SCART1: variants seen among roughly 807,000 people sequenced by gnomAD.
SCART1 encodes scavenger receptor family member expressed on T cells 1, also known as scavenger receptor cysteine-rich domain-containing protein SCART1.
SCART1 carries 62 observed loss-of-function variants against 36.2 expected under a neutral mutation model. The ratio of observed to expected loss-of-function variants is 1.71; its 90% CI spans 1.40 to 2.12. The LOEUF is 2.12. SCART1 is among the 30% of genes most tolerant of loss of function. The pLI is 0.00. For missense variants in SCART1, 1,041 were observed against 540.5 expected, an observed-to-expected ratio of 1.93 and a Z score of -9.18; for synonymous variants, 487 against 238.7, an observed-to-expected ratio of 2.04 and a Z score of -9.59.
chr10:133,468,961 T>C (rs1850790618), exon 12 of SCART1: 1 of 152,228 alleles, frequency 6.6e-6, no homozygotes, highest in Non-Finnish European at 1.5e-5. Context: ...GTATATTCTC[T>C]TTTAAAAAAT....
intron 6 of SCART1, among the ~76,000 whole-genome samples, chr10:133,463,363 T>G (rs1237562624): frequency 6.6e-6 from 1 of 152,184 alleles, no homozygotes; most frequent in Non-Finnish European, 1.5e-5. Flanking sequence ...CAATGCAATA[T>G]TATTAACTAC....
rs1390483468 is a variant in SCART1 at position 133,459,837 on chromosome 10, C to T, written c.1636C>T (p.Arg546Cys). 13 of 570,218 alleles carry T rather than the reference C, an allele frequency of 2.3e-5. No individual in the cohort carries two copies. In the Admixed American group the frequency reaches 3.8e-4, roughly 17 times the overall value. The allele number at this position is 570,218 out of a possible 1,614,324, so 35.3% of individuals were successfully genotyped here. A position where few individuals can be genotyped will look rare whatever the true frequency, so the allele number is the denominator to read the frequency against. Residue 546 changes from arginine (R) to cysteine (C), a missense_variant, in exon 6 of 12, where the codon CGC becomes TGC. Coordinates refer to ENST00000640237, the Ensembl canonical transcript of SCART1. ...CGGAACCGCGTCCCCCATGGCCCGTCGCCACGGGATCCCGGGCGCCCTGAC... is the reference window on the plus strand; with the variant it reads ...CGGAACCGCGTCCCCCATGGCCCGTTGCCACGGGATCCCGGGCGCCCTGAC...
At chr10:133,465,858 C>G in intron 9 of SCART1, 1 of 691,798 alleles carries the variant, frequency 1.4e-6, no homozygotes, top group East Asian at 2.8e-5. Context: ...GTTCCCTGCA[C>G]CTCATTCTCT....
intron 6 of SCART1, 62 bp from the exon 7 acceptor site, chr10:133,464,541 CCTT>C (rs1211955780): frequency 4.9e-6 from 3 of 608,860 alleles, no homozygotes; most frequent in Non-Finnish European, 8.8e-6. Flanking sequence ...TTAGCCCCCT[CCTT>C]CTGAGACTGC....
chr10:133,460,496 A>ATATATATATATATATATATTTTTTTTTT, intron 6 of SCART1, among the ~76,000 whole-genome samples: 1 of 136,004 alleles, frequency 7.4e-6, no homozygotes, highest in Admixed American at 7.2e-5. Flanking sequence ...ATATTTATAT[A>ATATATATATATATATATATTTTTTTTTT]TTTTAAAAAA....
At chr10:133,455,152 C>G (rs892758916) in intron 1 of SCART1, among the ~76,000 whole-genome samples, 4 of 151,980 alleles carry the variant, frequency 2.6e-5, no homozygotes, top group African/African-American at 9.7e-5. Flanking sequence ...CTATAATTCC[C>G]GCTACATGGG....
At chr10:133,460,496 A>ATATATATTTTTTTTTTT in intron 6 of SCART1, among the ~76,000 whole-genome samples, 2 of 136,016 alleles carry the variant, frequency 1.5e-5, no homozygotes, top group Non-Finnish European at 1.6e-5. Context: ...ATATTTATAT[A>ATATATATTTTTTTTTTT]TTTTAAAAAA....
chr10:133,457,561 A>G (rs1202113407), exon 3 of SCART1: 1 of 700,112 alleles, frequency 1.4e-6, no homozygotes, highest in Non-Finnish European at 2.6e-6. Context: ...CTGGACGCAG[A>G]GGTGGTCTGC....
In SCART1 at chr10:133,457,074, C is replaced by A. The variant is rs547014446; in HGVS notation, c.386-205C>A. Reference sequence around the variant, plus strand: ...CAGTGTGAACGGATCCTGCGGGGAACCTTGTTTCAGGAGACCAGCAGCAGA... The same window carrying A: ...CAGTGTGAACGGATCCTGCGGGGAAACTTGTTTCAGGAGACCAGCAGCAGA... On this transcript the variant is annotated intron_variant, in intron 2 of 11. Transcript: ENST00000640237. 152 of 581,546 alleles carry A rather than the reference C, an allele frequency of 2.6e-4. No homozygotes were observed. The East Asian group carries it at 4.4e-3, about 17-fold the overall frequency. 36.0% of individuals were successfully genotyped at this position (581,546 alleles called of 1,614,324 possible). A position where few individuals can be genotyped will look rare whatever the true frequency, so the allele number is the denominator to read the frequency against.
At chr10:133,458,290 T>C in intron 3 of SCART1, 70 bp from the exon 4 acceptor site, 1 of 702,046 alleles carries the variant, frequency 1.4e-6, no homozygotes, top group Non-Finnish European at 2.6e-6. Context: ...CCTTCCGCAG[T>C]CTGAGGCTCA....
At chr10:133,456,145 C>G in intron 1 of SCART1, 92 bp from the exon 2 acceptor site, 1 of 643,586 alleles carries the variant, frequency 1.6e-6, no homozygotes, top group East Asian at 2.7e-5. Context: ...GCTGCTGAGG[C>G]CTCACAGGCC....
At chr10:133,457,924 T>C (rs1850640258) in intron 3 of SCART1, 4 of 506,834 alleles carry the variant, frequency 7.9e-6, no homozygotes, top group Non-Finnish European at 1.4e-5. Flanking sequence ...CTCAACTGTG[T>C]GTGAGCTGCA....
exon 5 of SCART1, chr10:133,459,048 G>C (rs1256943656): frequency 2.9e-6 from 2 of 697,016 alleles, no homozygotes; most frequent in Admixed American, 2.0e-5. Flanking sequence ...GGCAGCAGCA[G>C]CTGTGAGGGC....
intron 6 of SCART1, chr10:133,464,262 G>A: frequency 3.2e-6 from 1 of 311,306 alleles, no homozygotes; most frequent in Non-Finnish European, 5.9e-6. Context: ...CAATAGTGCT[G>A]CGGTGAACCT....
At chr10:133,454,161 C>A in intron 1 of SCART1, 97 bp downstream of exon 1, 1 of 694,464 alleles carries the variant, frequency 1.4e-6, no homozygotes, top group South Asian at 1.5e-5. Context: ...AGTGACCTGC[C>A]GTCTGCCTGG....
chr10:133,458,607 G>A (rs930210274), exon 4 of SCART1: 13 of 696,978 alleles, frequency 1.9e-5, no homozygotes, highest in Non-Finnish European at 3.1e-5. Flanking sequence ...GCCCACGGGG[G>A]CGTGGGAGCC....
chr10:133,458,576 A>C (rs1589934308), exon 4 of SCART1: 2 of 686,978 alleles, frequency 2.9e-6, no homozygotes. Context: ...TGTGCGGGCA[A>C]CGAGTCGCTG....
chr10:133,457,181 G>T, intron 2 of SCART1, 98 bp from the exon 3 acceptor site: 1 of 660,328 alleles, frequency 1.5e-6, no homozygotes, highest in South Asian at 1.6e-5. Flanking sequence ...GCTGGCCCTG[G>T]CTCAGCCCAT....
At chr10:133,466,931 A>G in intron 10 of SCART1, 1 of 357,860 alleles carries the variant, frequency 2.8e-6, no homozygotes, top group Non-Finnish European at 5.1e-6. Context: ...CCAGCCCTCA[A>G]GACTGAGCTC....
Sources: allele counts gnomAD v4.1 joint callset (sites outside exome capture counted in the v4.1 genomes callset), GRCh38; gene constraint gnomAD v4.1.1; transcripts MANE v1.5; gene names NCBI Gene and HGNC (gene_info 2026-07-23, HGNC 2026-07-21).